EPB41L4A: variants seen among roughly 807,000 people sequenced by gnomAD.
EPB41L4A encodes erythrocyte membrane protein band 4.1 like 4A.
In EPB41L4A, 100 loss-of-function variants were observed where a neutral mutation model predicts 108.6. The ratio of observed to expected loss-of-function variants is 0.92; its 90% CI spans 0.78 to 1.09. The LOEUF is 1.09. Among genes scored for constraint, EPB41L4A ranks in the 50% least tolerant of loss-of-function variants. The pLI, the probability that EPB41L4A is intolerant of heterozygous loss-of-function variation, is 0.00. For missense variants in EPB41L4A, 1,030 were observed against 842.7 expected (o/e 1.22, Z -2.75); for synonymous variants, 319 against 289.0 (o/e 1.10, Z -1.05).
chr5:112,340,958 C>T (rs576125328), intron 1 of EPB41L4A, among the ~76,000 whole-genome samples: 13 of 152,288 alleles, frequency 8.5e-5, no homozygotes, highest in East Asian at 5.8e-4. Context: ...CAAACAGCCA[C>T]ATGGCTTAGT....
At chr5:112,346,215 C>CTTTTT (rs1479210695) in intron 1 of EPB41L4A, among the ~76,000 whole-genome samples, 3 of 49,042 alleles carry the variant, frequency 6.1e-5, no homozygotes, top group African/African-American at 1.4e-4. Flanking sequence ...AGGTACATTG[C>CTTTTT]ATTTTTTTTT....
chr5:112,281,108 A>G (rs527943799), intron 2 of EPB41L4A, among the ~76,000 whole-genome samples: 2 of 152,278 alleles, frequency 1.3e-5, no homozygotes, highest in Non-Finnish European at 2.9e-5. Context: ...GACCTTCCTC[A>G]TAAGGTTCCT....
At chr5:112,398,430 C>A (rs1761516084) in intron 1 of EPB41L4A, among the ~76,000 whole-genome samples, 1 of 152,132 alleles carries the variant, frequency 6.6e-6, no homozygotes, top group Non-Finnish European at 1.5e-5. Context: ...ACTCTGTCGT[C>A]CAGGCTGGAG....
intron 1 of EPB41L4A, among the ~76,000 whole-genome samples, chr5:112,397,508 T>C (rs1167802239): frequency 6.6e-6 from 1 of 152,154 alleles, no homozygotes; most frequent in Non-Finnish European, 1.5e-5. Flanking sequence ...AATATGAATA[T>C]GAATTTAGAG....
intron 1 of EPB41L4A, among the ~76,000 whole-genome samples, chr5:112,309,448 G>A (rs1280010406): frequency 1.3e-5 from 2 of 152,178 alleles, no homozygotes; most frequent in Non-Finnish European, 1.5e-5. Flanking sequence ...TGACAGACCA[G>A]ATGACGTGGT....
intron 6 of EPB41L4A, among the ~76,000 whole-genome samples, chr5:112,263,215 G>GCATCAGCC (rs1751616565): frequency 6.6e-6 from 1 of 152,148 alleles, no homozygotes; most frequent in Non-Finnish European, 1.5e-5. Context: ...CTGCACAGAA[G>GCATCAGCC]AGTTAAATAT....
intron 12 of EPB41L4A, among the ~76,000 whole-genome samples, chr5:112,213,493 C>T (rs1246124681): frequency 1.3e-5 from 2 of 151,976 alleles, no homozygotes; most frequent in African/African-American, 4.8e-5. Context: ...GGATTACAGG[C>T]ATGCACCACC....
At chr5:112,339,669 G>T (rs1757183764) in intron 1 of EPB41L4A, among the ~76,000 whole-genome samples, 1 of 151,546 alleles carries the variant, frequency 6.6e-6, no homozygotes. Context: ...GAGTACCTGG[G>T]ATTACAGGCA....
intron 2 of EPB41L4A, among the ~76,000 whole-genome samples, chr5:112,293,214 A>AT (rs34631751): frequency 0.08 from 11,761 of 147,648 alleles, 533 homozygotes; most frequent in African/African-American, 0.1. Flanking sequence ...CGATGGAAGC[A>AT]TTTTTTTTTT....
chr5:112,343,470 A>C (rs1225623806), intron 1 of EPB41L4A, among the ~76,000 whole-genome samples: 1 of 152,206 alleles, frequency 6.6e-6, no homozygotes, highest in African/African-American at 2.4e-5. Context: ...GAGAACTGAC[A>C]TAATGTATGT....
chr5:112,333,131 T>C (rs973309358), intron 1 of EPB41L4A, among the ~76,000 whole-genome samples: 1 of 152,118 alleles, frequency 6.6e-6, no homozygotes, highest in African/African-American at 2.4e-5. Context: ...ACTATTATCT[T>C]TCTCTATCGG....
chr5:112,205,417 T>G lies in EPB41L4A; in HGVS notation c.1262+4A>C. 1 of 1,611,542 alleles carries G rather than the reference T, an allele frequency of 6.2e-7. No homozygotes were observed. The highest frequency in any genetic ancestry group is 8.5e-7 in the Non-Finnish European group (1 of 1,177,664). The stretch of plus-strand genomic sequence containing the variant: ...TCCTTTATAAAAACAATGATTCCCT[T>G]TACCTCTGGGGGCCATTTTCTTCCC... On this transcript the variant is annotated splice_donor_region_variant and intron_variant, in intron 14 of 22. Transcript: ENST00000261486.
intron 9 of EPB41L4A, among the ~76,000 whole-genome samples, chr5:112,241,371 T>C (rs554457327): frequency 6.6e-6 from 1 of 152,194 alleles, no homozygotes; most frequent in Non-Finnish European, 1.5e-5. Flanking sequence ...TTCAACAATA[T>C]GCATACATAA....
intron 12 of EPB41L4A, among the ~76,000 whole-genome samples, chr5:112,234,132 A>T (rs1417250687): frequency 6.6e-6 from 1 of 151,840 alleles, no homozygotes; most frequent in Non-Finnish European, 1.5e-5. Context: ...CAGCCTGGGC[A>T]ACATAGTGAG....
At chr5:112,152,799 T>C (rs1352986133) in intron 12 of EPB41L4A, among the ~76,000 whole-genome samples, 6 of 152,028 alleles carry the variant, frequency 3.9e-5, no homozygotes, top group Admixed American at 2.0e-4. Flanking sequence ...TGTGAAATCA[T>C]GAAGAAAAAA....
intron 1 of EPB41L4A, among the ~76,000 whole-genome samples, chr5:112,362,282 GT>G (rs34273954): frequency 0.13 from 16,985 of 134,536 alleles, 942 homozygotes; most frequent in Non-Finnish European, 0.15. Context: ...GAGCATTAAT[GT>G]TTTTTTTTTT....
intron 17 of EPB41L4A, among the ~76,000 whole-genome samples, chr5:112,193,745 T>C (rs567785662): frequency 3.3e-5 from 5 of 152,380 alleles, no homozygotes; most frequent in African/African-American, 1.2e-4. Flanking sequence ...CCAGGTCCTG[T>C]CCTGTGCATC....
At chr5:112,204,893 T>C (rs1311565621) in intron 14 of EPB41L4A, among the ~76,000 whole-genome samples, 2 of 151,932 alleles carry the variant, frequency 1.3e-5, no homozygotes, top group Admixed American at 6.6e-5. Context: ...AGAAAAAAAA[T>C]TGAAATATAG....
chr5:112,272,789 A>AAAT (rs1233708649), intron 4 of EPB41L4A, among the ~76,000 whole-genome samples: 1 of 151,414 alleles, frequency 6.6e-6, no homozygotes, highest in Non-Finnish European at 1.5e-5. Context: ...CTCAAAAAAA[A>AAAT]AAAAAAAAAA....
Sources: allele counts gnomAD v4.1 joint callset (sites outside exome capture counted in the v4.1 genomes callset), GRCh38; gene constraint gnomAD v4.1.1; transcripts MANE v1.5; gene names NCBI Gene and HGNC (gene_info 2026-07-23, HGNC 2026-07-21).